FEZF1: variants seen among roughly 807,000 people sequenced by gnomAD.
FEZF1 encodes fez family zinc finger protein 1.
FEZF1 carries 8 observed loss-of-function variants against 32.4 expected under a neutral mutation model. The observed-to-expected ratio is 0.25, with a 90% CI of 0.15 to 0.45. The LOEUF (loss-of-function observed/expected upper bound fraction) is 0.45, where lower values mean the gene tolerates loss of function less well. FEZF1 is among the 20% of genes least tolerant of loss of function. The probability of loss-of-function intolerance (pLI) is 1.00; values close to 1 mark genes in which losing one functional copy is unlikely to be tolerated. For missense variants in FEZF1, 546 were observed against 622.3 expected, an observed-to-expected ratio of 0.88 and a Z score of 1.31; for synonymous variants, 259 against 265.2, an observed-to-expected ratio of 0.98 and a Z score of 0.23.
rs2031173416 is a variant in FEZF1, at chr7:122,303,985, G to C, written c.453C>G (p.His151Gln). The change falls in exon 1 of 4, where the codon CAC becomes CAG. Residue 151 changes from histidine (H) to glutamine (Q), a missense_variant. Transcript: ENST00000442488. ...AGGCGCCCATGGCGTGGAATGAAGA[G>C]TGGTTGACCACACGCGGCCTTACCA... ...YKLVRPRVVN[H>Q]SSFHAMGALC... The C allele has an allele frequency of 6.3e-7, 1 of 1,582,516 alleles. No homozygotes were observed. Among genetic ancestry groups the C allele is most frequent in the South Asian group, 1.1e-5 (1 of 88,042 alleles).
At chr7:122,304,907 ACT>A (rs1005429188), upstream of FEZF1, 3 of 151,592 alleles carry the variant, frequency 2.0e-5, no homozygotes, top group African/African-American at 4.9e-5. Context: ...CTGCGCACAC[ACT>A]CTGCCGCGCA....
At chr7:122,308,569 A>G (rs547709019), upstream of FEZF1, 1 of 152,230 alleles carries the variant, frequency 6.6e-6, no homozygotes, top group South Asian at 2.1e-4. Context: ...TAATAAGATA[A>G]TAGAGCCATA....
Position 122,303,956 on chromosome 7 carries a change from C to T in FEZF1, c.482G>A (p.Cys161Tyr), listed in dbSNP as rs754892083. ...HSSFHAMGAL[C>Y]YLNRGDGPCH... is the part of the protein sequence containing the mutation. ...TGGGCCGTCACCTCGGTTCAGGTAGCACAAGGCGCCCATGGCGTGGAATGA... is the reference window on the plus strand; with the variant it reads ...TGGGCCGTCACCTCGGTTCAGGTAGTACAAGGCGCCCATGGCGTGGAATGA... Residue 161 changes from cysteine to tyrosine, a missense_variant, in exon 1 of 4, where the codon TGC (cysteine) becomes TAC (tyrosine). Physicochemically the swap from Cys to Tyr is radical, Grantham distance 194. Transcript: ENST00000442488. 1.9e-6 allele frequency: 3 copies of T among 1,600,416 alleles called. No homozygotes were observed. The highest frequency in any genetic ancestry group is 2.3e-5 in the East Asian group (1 of 44,084).
intron 2 of FEZF1, 47 bp downstream of exon 2, chr7:122,303,130 A>G (rs759572253): frequency 6.2e-7 from 1 of 1,612,264 alleles, no homozygotes; most frequent in Non-Finnish European, 8.5e-7. Context: ...GTTTTTCTGC[A>G]AACAGTTCGG....
chr7:122,307,156 TCAGA>T (rs1307031315), upstream of FEZF1: 3 of 151,990 alleles, frequency 2.0e-5, no homozygotes, highest in Non-Finnish European at 4.4e-5. Flanking sequence ...TTTCCCCTGC[TCAGA>T]CAAAGGGCAC....
At position 122,302,988 on chromosome 7, in the gene FEZF1, T is replaced by C. The variant is rs1457636451; in HGVS notation, c.937-57A>G. 6.4e-7 allele frequency: 1 copy of C among 1,563,490 alleles called. No homozygotes were observed. The highest frequency in any genetic ancestry group is 1.4e-5 in the African/African-American group (1 of 73,172). On this transcript the variant is annotated intron_variant, in intron 2 of 3. Coordinates refer to ENST00000442488, the MANE Select transcript of FEZF1 (RefSeq NM_001024613.4). The surrounding 1 kb of genome is among the most constrained non-coding windows in gnomAD (Gnocchi z 4.4). ...TAGATATTTTCTAATTATGTGAAGT[T>C]CTGCAAGCTCAAAACACAGTAATGC...
upstream of FEZF1, among the ~76,000 whole-genome samples, chr7:122,308,218 G>A (rs978243361): frequency 3.3e-5 from 5 of 152,062 alleles, no homozygotes; most frequent in African/African-American, 7.2e-5. Flanking sequence ...TCCATGGAAA[G>A]GCAGTATTTA....
intron 1 of FEZF1, chr7:122,310,026 T>A (rs1005715531): frequency 6.6e-6 from 1 of 152,366 alleles, no homozygotes; most frequent in African/African-American, 2.4e-5. Flanking sequence ...TTTTATGTTA[T>A]TTTCAAACTT....
chr7:122,303,963 C>A lies in FEZF1; in HGVS notation c.475G>T (p.Ala159Ser). 6.3e-7 allele frequency: 1 copy of A among 1,595,392 alleles called. No individual in the cohort carries two copies. Among genetic ancestry groups the A allele is most frequent in the Non-Finnish European group, 8.5e-7 (1 of 1,170,656 alleles). ...TCACCTCGGTTCAGGTAGCACAAGGCGCCCATGGCGTGGAATGAAGAGTGG... is the reference window on the plus strand; with the variant it reads ...TCACCTCGGTTCAGGTAGCACAAGGAGCCCATGGCGTGGAATGAAGAGTGG... Reference protein sequence around the residue: ...VNHSSFHAMGALCYLNRGDGP... With the variant: ...VNHSSFHAMGSLCYLNRGDGP... The change falls in exon 1 of 4, where the codon GCC becomes TCC. Residue 159 changes from alanine (A) to serine (S), a missense_variant. Ala to Ser is a moderately conservative substitution (Grantham distance 99, BLOSUM62 1). This residue lies in a region of FEZF1 where 345 missense variants were observed against 360.6 expected (regional missense o/e 0.96). Coordinates refer to ENST00000442488, the MANE Select transcript of FEZF1 (RefSeq NM_001024613.4).
In FEZF1 at chr7:122,301,450, G is replaced by T. The variant is rs1584957721; in HGVS notation, c.*547C>A. The T allele has an allele frequency of 1.3e-5, 2 of 152,306 alleles. No individual in the cohort carries two copies. Among genetic ancestry groups the T allele is most frequent in the Non-Finnish European group, 1.5e-5 (1 of 68,134 alleles). 9.4% of individuals were successfully genotyped at this position (152,306 alleles called of 1,614,324 possible). On this transcript the variant is annotated 3_prime_UTR_variant, in exon 4 of 4. Transcript: ENST00000442488. ...GTATGGGTGTGTGCTCACGAATGTG[G>T]AATGTACCCCTATGGGCGCACACAT...
In FEZF1 at chr7:122,302,139, AGCCCCAG is replaced by A. The variant is rs781538911; in HGVS notation, c.1279_1285del (p.Leu427TrpfsTer23). 6.2e-7 allele frequency: 1 copy of A among 1,614,178 alleles called. No individual in the cohort carries two copies. Among genetic ancestry groups the A allele is most frequent in the East Asian group, 2.2e-5 (1 of 44,882 alleles). The stretch of plus-strand genomic sequence containing the variant: ...TGGTTCGCCAGCTGGCGTGCGGGCC[AGCCCCAG>A]GCTGCTGTCGTGCAGCTTGCGGACA... On this transcript the variant is annotated frameshift_variant, in exon 4 of 4. Coordinates refer to ENST00000442488, the MANE Select transcript of FEZF1 (RefSeq NM_001024613.4). LOFTEE classifies it high-confidence loss of function. The surrounding 1 kb of genome is among the most constrained non-coding windows in gnomAD (Gnocchi z 4.4).
rs759139892 is a variant in FEZF1 at position 122,302,972 on chromosome 7, TC to T, written c.937-42del. On this transcript the variant is annotated intron_variant, in intron 2 of 3. Transcript: ENST00000442488. The surrounding 1 kb of genome is among the most constrained non-coding windows in gnomAD (Gnocchi z 4.4). ...GAAAAGCAGAGACATTTAGATATTT[TC>T]TAATTATGTGAAGTTCTGCAAGCTC... The T allele has an allele frequency of 6.4e-5, 101 of 1,575,668 alleles. No homozygotes were observed. The South Asian group carries it at 8.4e-4, about 13-fold the overall frequency.
At position 122,302,462 on chromosome 7, in the gene FEZF1, A is replaced by G; in HGVS notation, c.1070-107T>C. ...GCCAGGCAAGCAGAAGAGCCGCCAC[A>G]GGTCCCACAACAAGTGCAGGGCTAC... On this transcript the variant is annotated intron_variant, in intron 3 of 3. Coordinates refer to ENST00000442488, the MANE Select transcript of FEZF1 (RefSeq NM_001024613.4). The surrounding 1 kb of genome is among the most constrained non-coding windows in gnomAD (Gnocchi z 4.4). 2 of 1,508,238 alleles carry G rather than the reference A, an allele frequency of 1.3e-6. No homozygotes were observed. The highest frequency in any genetic ancestry group is 1.8e-6 in the Non-Finnish European group (2 of 1,121,344). The allele number at this position is 1,508,238 out of a possible 1,614,324, so 93.4% of individuals were successfully genotyped here.
At chr7:122,305,069 A>G (rs2150617542), upstream of FEZF1, 1 of 152,340 alleles carries the variant, frequency 6.6e-6, no homozygotes, top group Non-Finnish European at 1.5e-5. Flanking sequence ...ATCTAAAATC[A>G]TTGTGCAAGG....
chr7:122,302,139 A>G lies in FEZF1; in HGVS notation c.1286T>C (p.Leu429Pro). Reference sequence around the variant, plus strand: ...TGGTTCGCCAGCTGGCGTGCGGGCCAGCCCCAGGCTGCTGTCGTGCAGCTT... The same window carrying G: ...TGGTTCGCCAGCTGGCGTGCGGGCCGGCCCCAGGCTGCTGTCGTGCAGCTT... ...VRKLHDSSLG[L>P]ARTPAGEPGT... Residue 429 changes from leucine to proline, a missense_variant, in exon 4 of 4, where the codon CTG (leucine) becomes CCG (proline). This residue lies in a region of FEZF1 where 83 missense variants were observed against 73.0 expected (regional missense o/e 1.14). Transcript: ENST00000442488. This position sits in a 1 kb window ranked among gnomAD's most constrained non-coding sequence, Gnocchi z 4.4. 6.2e-7 allele frequency: 1 copy of G among 1,614,178 alleles called. No homozygotes were observed. Among genetic ancestry groups the G allele is most frequent in the Non-Finnish European group, 8.5e-7 (1 of 1,180,022 alleles).
chr7:122,303,099 A>G, intron 2 of FEZF1, 78 bp downstream of exon 2: 1 of 1,597,078 alleles, frequency 6.3e-7, no homozygotes, highest in South Asian at 1.1e-5. Flanking sequence ...CGTTATCCTA[A>G]AGAGTAAGGT....
Position 122,302,694 on chromosome 7 carries a change from T to G in FEZF1, c.1069+105A>C. On this transcript the variant is annotated intron_variant, in intron 3 of 3. Coordinates refer to ENST00000442488, the MANE Select transcript of FEZF1 (RefSeq NM_001024613.4). This position sits in a 1 kb window ranked among gnomAD's most constrained non-coding sequence, Gnocchi z 4.4. Reference sequence around the variant, plus strand: ...TAGGGAGTTAGAATGGCAACAAAAGTGCCACATAACTACACTTTAAACATC... The same window carrying G: ...TAGGGAGTTAGAATGGCAACAAAAGGGCCACATAACTACACTTTAAACATC... The G allele has an allele frequency of 8.0e-7, 1 of 1,252,314 alleles. No homozygotes were observed. 77.6% of individuals were successfully genotyped at this position (1,252,314 alleles called of 1,614,324 possible). A position where few individuals can be genotyped will look rare whatever the true frequency, so the allele number is the denominator to read the frequency against.
Position 122,302,125 on chromosome 7 carries a change from C to T in FEZF1, c.1300G>A (p.Ala434Thr). The change falls in exon 4 of 4, where the codon GCT (alanine) becomes ACT (threonine). Residue 434 changes from alanine to threonine, a missense_variant. By Grantham distance (58) the Ala-to-Thr change is moderately conservative. Coordinates refer to ENST00000442488, the MANE Select transcript of FEZF1 (RefSeq NM_001024613.4). The surrounding 1 kb of genome is among the most constrained non-coding windows in gnomAD (Gnocchi z 4.4). ...GGCGGTTCAGTGCCTGGTTCGCCAGCTGGCGTGCGGGCCAGCCCCAGGCTG... is the reference window on the plus strand; with the variant it reads ...GGCGGTTCAGTGCCTGGTTCGCCAGTTGGCGTGCGGGCCAGCCCCAGGCTG... ...DSSLGLARTP[A>T]GEPGTEPPPP... 1 of 1,613,928 alleles carries T rather than the reference C, an allele frequency of 6.2e-7. No individual in the cohort carries two copies. Among genetic ancestry groups the T allele is most frequent in the South Asian group, 1.1e-5 (1 of 91,082 alleles).
In FEZF1 at chr7:122,301,939, G is replaced by A; in HGVS notation, c.*58C>T. On this transcript the variant is annotated 3_prime_UTR_variant, in exon 4 of 4. Transcript: ENST00000442488. ...AGACGAACTCGGACCAGGAGCTCTA[G>A]TCTGCCGCTGCCTCAGCGTGGGGGC... 1 of 1,535,464 alleles carries A rather than the reference G, an allele frequency of 6.5e-7. No homozygotes were observed. Among genetic ancestry groups the A allele is most frequent in the Non-Finnish European group, 8.7e-7 (1 of 1,154,058 alleles).
Sources: gnomAD v4.1 joint callset for allele counts (sites outside exome capture counted in the v4.1 genomes callset) on GRCh38, gnomAD v4.1.1 for gene constraint, gnomAD v4.1.1 regional missense constraint, Gnocchi (gnomAD v3.1) non-coding constraint, MANE v1.5 for transcripts, NCBI Gene and HGNC (gene_info 2026-07-23, HGNC 2026-07-21) for gene names.